The following PDE7A variants were observed in gnomAD, a reference collection of about 807,000 sequenced individuals.
The protein encoded by PDE7A is phosphodiesterase 7A.
A neutral mutation model predicts 64.3 loss-of-function variants in PDE7A; 39 were observed. The observed-to-expected ratio is 0.61, with a 90% CI of 0.47 to 0.79. PDE7A has a LOEUF of 0.79. PDE7A is among the 30% of genes least tolerant of loss of function. The probability of loss-of-function intolerance (pLI) is 0.00; values close to 1 mark genes in which losing one functional copy is unlikely to be tolerated. For synonymous variants in PDE7A, 203 were observed against 206.8 expected, an observed-to-expected ratio of 0.98 and a Z score of 0.16; for missense variants, 470 against 582.8, an observed-to-expected ratio of 0.81 and a Z score of 1.99.
At position 65,716,599 on chromosome 8, in the gene PDE7A, A is replaced by G. The variant is rs968984155; in HGVS notation, c.*2691T>C. On this transcript the variant is annotated 3_prime_UTR_variant, in exon 13 of 13. Coordinates refer to ENST00000401827, the MANE Select transcript of PDE7A (RefSeq NM_001242318.3). Reference sequence around the variant, plus strand: ...CTTCCCTTGCTCAGAATCCATGCTCACCAGCTGCTCATAATTTGGCTTCCC... The same window carrying G: ...CTTCCCTTGCTCAGAATCCATGCTCGCCAGCTGCTCATAATTTGGCTTCCC... Among the ~76,000 whole-genome samples, 3 of 152,206 alleles carry G rather than the reference A, an allele frequency of 2.0e-5. No individual in the cohort carries two copies. Among genetic ancestry groups the G allele is most frequent in the African/African-American group, 7.2e-5 (3 of 41,464 alleles).
chr8:65,812,826 C>T (rs1419420720), intron 1 of PDE7A, among the ~76,000 whole-genome samples: 1 of 152,200 alleles, frequency 6.6e-6, no homozygotes, highest in Non-Finnish European at 1.5e-5. Flanking sequence ...TTTAACCTAT[C>T]ACACTGGCAA....
chr8:65,726,626 T>C (rs918353663), intron 9 of PDE7A, among the ~76,000 whole-genome samples: 9 of 152,204 alleles, frequency 5.9e-5, no homozygotes, highest in African/African-American at 1.9e-4. Context: ...AATTGTGTAT[T>C]TGAGTAAATT....
chr8:65,769,247 C>CAAAAAAAAA (rs61554087), intron 3 of PDE7A, among the ~76,000 whole-genome samples: 6 of 74,438 alleles, frequency 8.1e-5, no homozygotes, highest in Admixed American at 1.6e-4. Context: ...GACTCAGTCT[C>CAAAAAAAAA]AAAAAAAAAA....
At chr8:65,840,423 C>CACACACATACACAT (rs1554572977) in intron 1 of PDE7A, among the ~76,000 whole-genome samples, 1 of 151,246 alleles carries the variant, frequency 6.6e-6, no homozygotes, top group African/African-American at 2.4e-5. Context: ...CACACACACA[C>CACACACATACACAT]ACACACACCT....
chr8:65,734,699 T>C, intron 7 of PDE7A, 95 bp downstream of exon 7: 1 of 721,462 alleles, frequency 1.4e-6, no homozygotes, highest in Admixed American at 2.1e-5. Context: ...GTCTGTGATT[T>C]TCAGTCAAAG....
At chr8:65,799,038 C>T (rs1225976979) in intron 1 of PDE7A, among the ~76,000 whole-genome samples, 2 of 151,786 alleles carry the variant, frequency 1.3e-5, no homozygotes, top group Non-Finnish European at 2.9e-5. Context: ...TTCTAACAGG[C>T]AAAACTAATC....
intron 1 of PDE7A, among the ~76,000 whole-genome samples, chr8:65,797,278 G>A (rs1185572945): frequency 3.3e-5 from 5 of 152,126 alleles, no homozygotes; most frequent in Non-Finnish European, 7.4e-5. Flanking sequence ...TTAAGATGAG[G>A]GCATACTGGG....
intron 7 of PDE7A, among the ~76,000 whole-genome samples, chr8:65,729,965 C>T (rs1806784228): frequency 1.3e-5 from 2 of 151,802 alleles, no homozygotes; most frequent in African/African-American, 4.8e-5. Context: ...CAAGGCGGTC[C>T]TCGCAGGGCT....
At position 65,724,760 on chromosome 8, in the gene PDE7A, T is replaced by C; in HGVS notation, c.1065+17A>G. Reference sequence around the variant, plus strand: ...TAATTTATCCTAGAAATAGAATGTTTCCAAGCCCCATTTTACCTGTAAAAC... The same window carrying C: ...TAATTTATCCTAGAAATAGAATGTTCCCAAGCCCCATTTTACCTGTAAAAC... On this transcript the variant is annotated intron_variant, in intron 10 of 12. Transcript: ENST00000401827. 6.3e-7 allele frequency: 1 copy of C among 1,594,092 alleles called. No homozygotes were observed. Among genetic ancestry groups the C allele is most frequent in the Middle Eastern group, 1.7e-4 (1 of 5,980 alleles).
chr8:65,763,541 G>A (rs1808614648), intron 3 of PDE7A, among the ~76,000 whole-genome samples: 1 of 149,878 alleles, frequency 6.7e-6, no homozygotes, highest in Non-Finnish European at 1.5e-5. Flanking sequence ...CTACAACCTG[G>A]GCAACAAGAG....
At chr8:65,781,370 G>T (rs2128924089) in intron 2 of PDE7A, among the ~76,000 whole-genome samples, 1 of 152,292 alleles carries the variant, frequency 6.6e-6, no homozygotes, top group East Asian at 1.9e-4. Context: ...AGTGGAGTCA[G>T]ATCATGCTGG....
chr8:65,824,124 C>T (rs1374574106), intron 1 of PDE7A, among the ~76,000 whole-genome samples: 1 of 152,166 alleles, frequency 6.6e-6, no homozygotes, highest in Admixed American at 6.6e-5. Context: ...TCTACTGGCA[C>T]CATTTTCCCA....
rs1807746038 is a variant in PDE7A, at chr8:65,747,731, C to G, written c.356G>C (p.Arg119Thr). Reference protein sequence around the residue: ...RRLLSFQRYLRSSRFFRGTAV... With the variant: ...RRLLSFQRYLTSSRFFRGTAV... Reference sequence around the variant, plus strand: ...AGTACCACGAAAAAAGCGTGAAGATCTAAGATATCGCTGGAAACTTAGTAG... The same window carrying G: ...AGTACCACGAAAAAAGCGTGAAGATGTAAGATATCGCTGGAAACTTAGTAG... Residue 119 changes from arginine (R) to threonine (T), a missense_variant, in exon 4 of 13, where the codon AGA (arginine) becomes ACA (threonine). Coordinates refer to ENST00000401827, the MANE Select transcript of PDE7A (RefSeq NM_001242318.3). The G allele has an allele frequency of 6.2e-7, 1 of 1,610,244 alleles. No homozygotes were observed.
chr8:65,791,994 A>C (rs1809713992), intron 1 of PDE7A, among the ~76,000 whole-genome samples: 2 of 152,270 alleles, frequency 1.3e-5, no homozygotes, highest in African/African-American at 4.8e-5. Context: ...GCTGTTTCAA[A>C]TTACTATAAA....
intron 1 of PDE7A, among the ~76,000 whole-genome samples, chr8:65,836,825 T>A (rs181074438): frequency 1.3e-5 from 2 of 152,290 alleles, no homozygotes; most frequent in Admixed American, 6.5e-5. Context: ...GTGACTATCA[T>A]CAGATAGTGC....
rs61736485 is a variant in PDE7A at position 65,788,912 on chromosome 8, G to A, written c.139-6069C>T. 5.4e-3 allele frequency: 8,713 copies of A among 1,612,866 alleles called. 65 individuals carry two copies. The highest frequency in any genetic ancestry group is 0.04 in the East Asian group (1,798 of 44,864). On this transcript the variant is annotated intron_variant, in intron 1 of 12. Transcript: ENST00000401827. ...AGGTGATCCACTTGATAAGAACCAA[G>A]GCCAGACACCAGATCAATGTAATTC...
At chr8:65,721,573 C>A (rs1320374865) in intron 12 of PDE7A, among the ~76,000 whole-genome samples, 1 of 152,112 alleles carries the variant, frequency 6.6e-6, no homozygotes, top group Non-Finnish European at 1.5e-5. Flanking sequence ...TCCCTGACAA[C>A]CCATTCTAGA....
intron 1 of PDE7A, among the ~76,000 whole-genome samples, chr8:65,812,099 C>T (rs900453611): frequency 2.6e-5 from 4 of 151,488 alleles, no homozygotes; most frequent in African/African-American, 9.7e-5. Flanking sequence ...CCCGGCTACT[C>T]AGGAGTCTGA....
chr8:65,835,103 A>G (rs1810921159), intron 1 of PDE7A, among the ~76,000 whole-genome samples: 1 of 152,260 alleles, frequency 6.6e-6, no homozygotes, highest in Non-Finnish European at 1.5e-5. Context: ...TAAATGTGGA[A>G]GAGAATAAAT....
Sources: gnomAD v4.1 joint callset for allele counts (sites outside exome capture counted in the v4.1 genomes callset) on GRCh38, gnomAD v4.1.1 for gene constraint, MANE v1.5 for transcripts, NCBI Gene and HGNC (gene_info 2026-07-23, HGNC 2026-07-21) for gene names.